Variants in FSTL5 observed in about 807,000 individuals in gnomAD.
FSTL5 encodes follistatin like 5.
FSTL5 carries 62 observed loss-of-function variants against 89.1 expected under a neutral mutation model. The observed-to-expected ratio is 0.70, with a 90% CI of 0.57 to 0.86. FSTL5 has a LOEUF of 0.86. FSTL5 is among the 40% of genes least tolerant of loss of function. The pLI is 0.00. For missense variants in FSTL5, 1,057 were observed against 1,001.6 expected, an observed-to-expected ratio of 1.06 and a Z score of -0.75; for synonymous variants, 383 against 346.2, an observed-to-expected ratio of 1.11 and a Z score of -1.18.
At chr4:161,926,739 A>G (rs939170610) in intron 3 of FSTL5, among the ~76,000 whole-genome samples, 2 of 151,724 alleles carry the variant, frequency 1.3e-5, no homozygotes, top group African/African-American at 2.4e-5. Flanking sequence ...CTAATTATTA[A>G]TTTTTCCTTT....
chr4:161,850,972 A>G (rs1355472228), intron 4 of FSTL5, among the ~76,000 whole-genome samples: 1 of 152,184 alleles, frequency 6.6e-6, no homozygotes, highest in Non-Finnish European at 1.5e-5. Context: ...TGATCTGTGC[A>G]ACAAACCACC....
chr4:161,889,376 C>A (rs2017147), intron 4 of FSTL5, among the ~76,000 whole-genome samples: 126,792 of 152,052 alleles, frequency 0.83, 53,497 homozygotes, highest in Non-Finnish European at 0.9. Flanking sequence ...GGTGTGGTGG[C>A]TCACACCTGT....
chr4:161,896,762 C>T (rs1733170370), intron 4 of FSTL5, among the ~76,000 whole-genome samples: 1 of 151,982 alleles, frequency 6.6e-6, no homozygotes, highest in South Asian at 2.1e-4. Flanking sequence ...GTTTCTATTC[C>T]CTTAAGACCT....
intron 6 of FSTL5, among the ~76,000 whole-genome samples, chr4:161,721,057 T>C (rs963928994): frequency 1.3e-5 from 2 of 151,876 alleles, no homozygotes; most frequent in African/African-American, 4.8e-5. Flanking sequence ...GGCGGGTGGA[T>C]CATGAGGTCA....
intron 6 of FSTL5, among the ~76,000 whole-genome samples, chr4:161,711,688 A>G (rs1330099166): frequency 6.6e-6 from 1 of 152,096 alleles, no homozygotes; most frequent in Non-Finnish European, 1.5e-5. Flanking sequence ...AAGAAAATTT[A>G]ACAACAGTAT....
intron 11 of FSTL5, among the ~76,000 whole-genome samples, chr4:161,508,671 T>G (rs952893464): frequency 6.6e-6 from 1 of 152,164 alleles, no homozygotes; most frequent in Non-Finnish European, 1.5e-5. Context: ...GGAGTATTGT[T>G]ATTATTATGT....
chr4:161,578,833 AG>A (rs1397319446), intron 8 of FSTL5, among the ~76,000 whole-genome samples: 1 of 152,106 alleles, frequency 6.6e-6, no homozygotes, highest in Non-Finnish European at 1.5e-5. Context: ...AATTGTTGAA[AG>A]AAAAATAAAA....
chr4:161,699,405 C>A (rs1738296573), intron 6 of FSTL5, among the ~76,000 whole-genome samples: 1 of 152,120 alleles, frequency 6.6e-6, no homozygotes, highest in Non-Finnish European at 1.5e-5. Context: ...GGTTCATAGT[C>A]TTTTCAGCCC....
At chr4:161,882,188 A>G (rs1350490028) in intron 4 of FSTL5, among the ~76,000 whole-genome samples, 3 of 152,076 alleles carry the variant, frequency 2.0e-5, no homozygotes, top group Admixed American at 2.0e-4. Flanking sequence ...GCCTCTGGTC[A>G]ACTCTTTTCC....
chr4:161,538,260 T>C lies in FSTL5; in HGVS notation c.1218A>G (p.Glu406=). The change falls in exon 10 of 16, where the codon GAA becomes GAG. Residue 406 remains glutamate, a synonymous_variant. Coordinates refer to ENST00000306100, the MANE Select transcript of FSTL5 (RefSeq NM_020116.5). Reference sequence around the variant, plus strand: ...CGATACAAGTGTATGCTCCAGTATCTTCATAGCGCACATTGCTTATGTGAA... The same window carrying C: ...CGATACAAGTGTATGCTCCAGTATCCTCATAGCGCACATTGCTTATGTGAA... ...SEVHISNVRY[E]DTGAYTCIAK... The C allele has an allele frequency of 6.2e-7, 1 of 1,614,084 alleles. No individual in the cohort carries two copies. The highest frequency in any genetic ancestry group is 8.5e-7 in the Non-Finnish European group (1 of 1,179,952).
chr4:161,745,507 C>T (rs2126776196), intron 6 of FSTL5, among the ~76,000 whole-genome samples: 1 of 152,096 alleles, frequency 6.6e-6, no homozygotes, highest in East Asian at 1.9e-4. Context: ...ATAGCATTTT[C>T]ACCTGTTGTT....
intron 1 of FSTL5, among the ~76,000 whole-genome samples, chr4:162,131,323 T>C (rs927634511): frequency 1.3e-5 from 2 of 152,240 alleles, no homozygotes; most frequent in African/African-American, 4.8e-5. Flanking sequence ...ACATATTTTA[T>C]ATTAAATGAA....
chr4:162,047,040 A>G (rs1456093460), intron 2 of FSTL5, among the ~76,000 whole-genome samples: 1 of 152,170 alleles, frequency 6.6e-6, no homozygotes, highest in Non-Finnish European at 1.5e-5. Flanking sequence ...CACAAAAATA[A>G]CTATACTCTA....
At chr4:161,784,225 C>T (rs1741798337) in intron 4 of FSTL5, among the ~76,000 whole-genome samples, 1 of 151,946 alleles carries the variant, frequency 6.6e-6, no homozygotes, top group South Asian at 2.1e-4. Flanking sequence ...TGTGAGCCAC[C>T]ATGCCTTGCC....
intron 7 of FSTL5, among the ~76,000 whole-genome samples, chr4:161,618,926 C>T (rs1483400232): frequency 6.6e-6 from 1 of 152,206 alleles, no homozygotes; most frequent in African/African-American, 2.4e-5. Flanking sequence ...ATCATGATAC[C>T]TGACTTCAAA....
chr4:161,647,455 T>C (rs1305837313), intron 7 of FSTL5, among the ~76,000 whole-genome samples: 1 of 152,100 alleles, frequency 6.6e-6, no homozygotes, highest in African/African-American at 2.4e-5. Flanking sequence ...TTTGCAGTGT[T>C]ACTTTGGCTA....
intron 4 of FSTL5, among the ~76,000 whole-genome samples, chr4:161,853,242 T>C (rs911077591): frequency 3.3e-5 from 5 of 152,154 alleles, no homozygotes; most frequent in Non-Finnish European, 5.9e-5. Flanking sequence ...TGTAGATTAA[T>C]AAATGTTAAG....
chr4:161,966,282 T>C lies in FSTL5; in HGVS notation c.161-45630A>G, dbSNP rs538605592. ...GACCACCCATCCTGATTTTGTTGAT[T>C]TCTAGCTGTCTATTTTCAGTTTCAC... On this transcript the variant is annotated intron_variant, in intron 3 of 15. Coordinates refer to ENST00000306100, the MANE Select transcript of FSTL5 (RefSeq NM_020116.5). Among the ~76,000 whole-genome samples, 297 of 152,218 alleles carry C rather than the reference T, an allele frequency of 2.0e-3. 1 individual carries two copies. Among genetic ancestry groups the C allele is most frequent in the Middle Eastern group, 3.4e-3 (1 of 294 alleles).
At chr4:162,006,765 C>G (rs567308985) in intron 3 of FSTL5, among the ~76,000 whole-genome samples, 1 of 151,958 alleles carries the variant, frequency 6.6e-6, no homozygotes, top group Admixed American at 6.6e-5. Context: ...AAAATGGACT[C>G]TATTCAACAT....
Sources: allele counts gnomAD v4.1 joint callset (sites outside exome capture counted in the v4.1 genomes callset), GRCh38; gene constraint gnomAD v4.1.1; transcripts MANE v1.5; gene names NCBI Gene and HGNC (gene_info 2026-07-23, HGNC 2026-07-21).